The following MACROD2 variants were observed in gnomAD, a reference collection of about 807,000 sequenced individuals.
The protein encoded by MACROD2 is mono-ADP ribosylhydrolase 2.
In MACROD2, 36 loss-of-function variants were observed where a neutral mutation model predicts 70.4. That is an observed-to-expected ratio of 0.51 (90% CI 0.39 to 0.68). MACROD2 has a LOEUF of 0.68. Ranked by LOEUF, MACROD2 falls within the 30% of genes least tolerant of loss-of-function variation. The pLI, the probability that MACROD2 is intolerant of heterozygous loss-of-function variation, is 0.00. For missense variants in MACROD2, 496 were observed against 538.4 expected (o/e 0.92, Z 0.78); for synonymous variants, 172 against 178.8 (o/e 0.96, Z 0.30).
At chr20:15,863,818 A>G (rs1226700379) in intron 9 of MACROD2, among the ~76,000 whole-genome samples, 1 of 152,208 alleles carries the variant, frequency 6.6e-6, no homozygotes, top group Non-Finnish European at 1.5e-5. Flanking sequence ...TCTATCCAGA[A>G]CAGCTGTAGA....
At chr20:15,652,278 A>G (rs1210493331) in intron 8 of MACROD2, among the ~76,000 whole-genome samples, 2 of 152,230 alleles carry the variant, frequency 1.3e-5, no homozygotes, top group Non-Finnish European at 2.9e-5. Flanking sequence ...ATGAGTTTAG[A>G]AATGTTAGTG....
intron 15 of MACROD2, among the ~76,000 whole-genome samples, chr20:16,014,733 T>C (rs957020298): frequency 6.6e-6 from 1 of 152,208 alleles, no homozygotes; most frequent in Non-Finnish European, 1.5e-5. Context: ...ATGCATGTCC[T>C]TTGGTGAGGG....
At chr20:15,289,351 AG>A (rs943816834) in intron 6 of MACROD2, among the ~76,000 whole-genome samples, 1 of 152,226 alleles carries the variant, frequency 6.6e-6, no homozygotes, top group African/African-American at 2.4e-5. Context: ...TAAATTTTAG[AG>A]GGAAATAGTT....
intron 6 of MACROD2, among the ~76,000 whole-genome samples, chr20:15,414,281 C>A (rs1272724260): frequency 6.6e-6 from 1 of 152,146 alleles, no homozygotes; most frequent in East Asian, 1.9e-4. Flanking sequence ...CCAAGACTGT[C>A]AGTATTGGTA....
At chr20:15,601,111 G>A (rs192638435) in intron 8 of MACROD2, among the ~76,000 whole-genome samples, 28 of 152,264 alleles carry the variant, frequency 1.8e-4, no homozygotes, top group African/African-American at 6.7e-4. Flanking sequence ...ACACAGGAAG[G>A]TAACTCAATT....
intron 3 of MACROD2, among the ~76,000 whole-genome samples, chr20:14,424,964 A>G (rs2083917518): frequency 6.6e-6 from 1 of 152,216 alleles, no homozygotes; most frequent in South Asian, 2.1e-4. Context: ...TGAATTCTTT[A>G]TTCCTTTGCA....
At chr20:14,883,494 T>C (rs1267375131) in intron 5 of MACROD2, among the ~76,000 whole-genome samples, 4 of 152,134 alleles carry the variant, frequency 2.6e-5, no homozygotes, top group African/African-American at 7.2e-5. Context: ...CATGCCTTTT[T>C]CCCTCTGGGC....
intron 8 of MACROD2, among the ~76,000 whole-genome samples, chr20:15,843,408 A>T (rs546810197): frequency 6.6e-6 from 1 of 152,124 alleles, no homozygotes; most frequent in Non-Finnish European, 1.5e-5. Flanking sequence ...TCGTGTGTTG[A>T]CAGTTATGTT....
chr20:15,849,052 T>G (rs1302597892), intron 8 of MACROD2, among the ~76,000 whole-genome samples: 1 of 152,106 alleles, frequency 6.6e-6, no homozygotes, highest in Non-Finnish European at 1.5e-5. Flanking sequence ...TCATGCGTGT[T>G]GGGGGAGGTA....
intron 2 of MACROD2, among the ~76,000 whole-genome samples, chr20:14,066,044 AT>A (rs899026620): frequency 1.5e-4 from 22 of 150,948 alleles, no homozygotes; most frequent in Admixed American, 1.3e-4. Context: ...TGTGGATTAC[AT>A]TTTTTTTTCT....
At chr20:14,208,441 G>T (rs1347598132) in intron 3 of MACROD2, among the ~76,000 whole-genome samples, 17 of 152,060 alleles carry the variant, frequency 1.1e-4, no homozygotes, top group Admixed American at 6.5e-4. Flanking sequence ...TGAAACCCAG[G>T]GTGGAGTTCA....
intron 5 of MACROD2, among the ~76,000 whole-genome samples, chr20:15,210,259 G>A (rs976144902): frequency 2.0e-5 from 3 of 152,294 alleles, no homozygotes; most frequent in African/African-American, 4.8e-5. Context: ...CCAGTTATTG[G>A]TAAGAAAGGC....
intron 5 of MACROD2, among the ~76,000 whole-genome samples, chr20:14,768,953 G>A (rs946236462): frequency 6.6e-6 from 1 of 152,068 alleles, no homozygotes; most frequent in Admixed American, 6.6e-5. Flanking sequence ...TCAAGAAAAG[G>A]ATAAAGGAAT....
intron 3 of MACROD2, among the ~76,000 whole-genome samples, chr20:14,346,197 T>A (rs1209986542): frequency 2.6e-5 from 4 of 151,636 alleles, no homozygotes; most frequent in African/African-American, 4.8e-5. Context: ...TAACCTAACT[T>A]TATCACAAAA....
intron 12 of MACROD2, among the ~76,000 whole-genome samples, chr20:15,958,013 T>C (rs1353653694): frequency 1.3e-5 from 2 of 152,202 alleles, no homozygotes; most frequent in African/African-American, 4.8e-5. Flanking sequence ...TTATCACAAA[T>C]ATGTTTGAGG....
At chr20:15,042,315 G>T (rs962335107) in intron 5 of MACROD2, among the ~76,000 whole-genome samples, 2 of 152,130 alleles carry the variant, frequency 1.3e-5, no homozygotes, top group Non-Finnish European at 2.9e-5. Context: ...TAATCTTATT[G>T]TGCAAAAGGG....
chr20:15,396,733 A>C (rs573803597), intron 6 of MACROD2, among the ~76,000 whole-genome samples: 5 of 152,184 alleles, frequency 3.3e-5, no homozygotes, highest in African/African-American at 4.8e-5. Flanking sequence ...GGGAACATGA[A>C]TTGATTAGAA....
At chr20:14,898,925 G>A (rs1289011533) in intron 5 of MACROD2, among the ~76,000 whole-genome samples, 1 of 152,128 alleles carries the variant, frequency 6.6e-6, no homozygotes, top group Non-Finnish European at 1.5e-5. Context: ...TAATAAAGCT[G>A]TATGACACTA....
chr20:14,417,054 C>A lies in MACROD2; in HGVS notation c.272-76425C>A, dbSNP rs369267342. Among the ~76,000 whole-genome samples, 7 of 74,120 alleles carry A rather than the reference C, an allele frequency of 9.4e-5. No individual in the cohort carries two copies. In the Admixed American group the frequency reaches 1.0e-3, roughly 11 times the overall value. 48.6% of individuals were successfully genotyped at this position (74,120 alleles called of 152,430 possible). A position where few individuals can be genotyped will look rare whatever the true frequency, so the allele number is the denominator to read the frequency against. On this transcript the variant is annotated intron_variant, in intron 3 of 17. Coordinates refer to ENST00000684519, the MANE Select transcript of MACROD2 (RefSeq NM_001351661.2). ...ATCTATATATCTATCTATTATCTATCTATCTATCTATCATCTATCTATCTA... is the reference window on the plus strand; with the variant it reads ...ATCTATATATCTATCTATTATCTATATATCTATCTATCATCTATCTATCTA...
Sources: gnomAD v4.1 joint callset for allele counts (sites outside exome capture counted in the v4.1 genomes callset) on GRCh38, gnomAD v4.1.1 for gene constraint, MANE v1.5 for transcripts, NCBI Gene and HGNC (gene_info 2026-07-23, HGNC 2026-07-21) for gene names.